The following RAB7A variants were observed in gnomAD, a reference collection of about 807,000 sequenced individuals.
RAB7A encodes the protein ras-related protein Rab-7a.
A neutral mutation model predicts 24.5 loss-of-function variants in RAB7A; 2 were observed. That is an observed-to-expected ratio of 0.08 (90% CI 0.03 to 0.26). The LOEUF (loss-of-function observed/expected upper bound fraction) is 0.26, where lower values mean the gene tolerates loss of function less well. Ranked by LOEUF, RAB7A falls within the 10% of genes least tolerant of loss-of-function variation. RAB7A has a pLI of 1.00. For missense variants in RAB7A, 118 were observed against 255.7 expected (o/e 0.46, Z 3.67); for synonymous variants, 100 against 95.9 (o/e 1.04, Z -0.25).
At position 128,737,334 on chromosome 3, in the gene RAB7A, C is replaced by A. The variant is rs529431666; in HGVS notation, c.-9+10975C>A. 1.4e-5 allele frequency among the ~76,000 whole-genome samples: 2 copies of A among 138,182 alleles called. 1 individual carries two copies. Among genetic ancestry groups the A allele is most frequent in the Non-Finnish European group, 3.1e-5 (2 of 65,434 alleles). 90.7% of individuals were successfully genotyped at this position (138,182 alleles called of 152,430 possible). ...GATTACAGGCGTGAGCCACCGCTCC[C>A]GGCCTTTTTTTTTTTTTTTTTTTTG... On this transcript the variant is annotated intron_variant, in intron 1 of 5. Coordinates refer to ENST00000265062, the MANE Select transcript of RAB7A (RefSeq NM_004637.6).
chr3:128,796,363 G>A (rs1933574952), intron 2 of RAB7A, among the ~76,000 whole-genome samples: 2 of 152,056 alleles, frequency 1.3e-5, no homozygotes, highest in Admixed American at 1.3e-4. Flanking sequence ...GAGGCGAGAG[G>A]ATGGCTTGAG....
chr3:128,767,545 T>C (rs1284335422), intron 1 of RAB7A, among the ~76,000 whole-genome samples: 1 of 152,076 alleles, frequency 6.6e-6, no homozygotes, highest in Non-Finnish European at 1.5e-5. Flanking sequence ...TAGGGAAAGA[T>C]TTGTATGGCT....
At chr3:128,789,623 C>CA (rs1279423208) in intron 1 of RAB7A, among the ~76,000 whole-genome samples, 4 of 151,858 alleles carry the variant, frequency 2.6e-5, no homozygotes, top group African/African-American at 9.7e-5. Context: ...ATGAGTCACC[C>CA]ATGCCTGGCC....
At chr3:128,729,698 G>A (rs1161370494) in intron 1 of RAB7A, among the ~76,000 whole-genome samples, 1 of 152,004 alleles carries the variant, frequency 6.6e-6, no homozygotes, top group East Asian at 1.9e-4. Flanking sequence ...GTTGTCTTAT[G>A]CACATTCCTC....
chr3:128,809,721 C>G (rs1286418149), intron 5 of RAB7A, among the ~76,000 whole-genome samples: 2 of 151,888 alleles, frequency 1.3e-5, no homozygotes, highest in African/African-American at 2.4e-5. Flanking sequence ...TGCCTTTCCT[C>G]TCAAGAGAGC....
intron 2 of RAB7A, among the ~76,000 whole-genome samples, chr3:128,795,751 C>CCTTTTTTTTTTTTTT (rs1933554776): frequency 2.3e-5 from 1 of 43,032 alleles, no homozygotes; most frequent in African/African-American, 6.3e-5. Context: ...AGCAGATGTG[C>CCTTTTTTTTTTTTTT]TTTTTTTTTT....
intron 5 of RAB7A, 23 bp from the exon 6 acceptor site, chr3:128,813,304 C>G (rs769290290): frequency 2.5e-6 from 4 of 1,605,604 alleles, no homozygotes; most frequent in East Asian, 2.2e-5. Context: ...GAGTAACCAA[C>G]CTTTCTCTGT....
intron 1 of RAB7A, chr3:128,764,468 A>C: frequency 1.3e-6 from 1 of 768,264 alleles, no homozygotes; most frequent in Non-Finnish European, 2.4e-6. Context: ...CCTGAGGCTT[A>C]GTTTTCATTA....
At chr3:128,752,846 G>A (rs1487905394) in intron 1 of RAB7A, among the ~76,000 whole-genome samples, 1 of 150,446 alleles carries the variant, frequency 6.6e-6, no homozygotes, top group African/African-American at 2.5e-5. Context: ...TTATTTCCAG[G>A]TTCAAAATCT....
Position 128,811,020 on chromosome 3 carries a change from C to T in RAB7A, c.529-2307C>T, listed in dbSNP as rs184861502. Among the ~76,000 whole-genome samples, 175 of 152,044 alleles carry T rather than the reference C, an allele frequency of 1.2e-3. 1 individual carries two copies. Among genetic ancestry groups the T allele is most frequent in the African/African-American group, 3.8e-3 (159 of 41,462 alleles). On this transcript the variant is annotated intron_variant, in intron 5 of 5. Coordinates refer to ENST00000265062, the MANE Select transcript of RAB7A (RefSeq NM_004637.6). ...AGTGAGCCGAGATTGCACCATTGCA[C>T]TCCAGCCTGGGCAACAAGAGCGAAA...
At chr3:128,760,908 C>T (rs1051095399) in intron 1 of RAB7A, among the ~76,000 whole-genome samples, 1 of 152,182 alleles carries the variant, frequency 6.6e-6, no homozygotes, top group African/African-American at 2.4e-5. Flanking sequence ...CCTTAAAAAG[C>T]TTCATCTCCC....
chr3:128,758,272 T>TGG (rs1265012684), intron 1 of RAB7A, among the ~76,000 whole-genome samples: 18 of 134,140 alleles, frequency 1.3e-4, no homozygotes, highest in African/African-American at 4.8e-4. Flanking sequence ...GTTTGTTTTT[T>TGG]TGTTTTTTTT....
In RAB7A at chr3:128,746,882, T is replaced by C. The variant is rs796600793; in HGVS notation, c.-9+20523T>C. Among the ~76,000 whole-genome samples, 17 of 151,842 alleles carry C rather than the reference T, an allele frequency of 1.1e-4. 2 individuals are homozygous for C. Among genetic ancestry groups the C allele is most frequent in the African/African-American group, 4.1e-4 (17 of 41,124 alleles). On this transcript the variant is annotated intron_variant, in intron 1 of 5. Coordinates refer to ENST00000265062, the MANE Select transcript of RAB7A (RefSeq NM_004637.6). ...TTGGTGATATCACGTGGTAATTGTT[T>C]TTCTGAGGTGATAGATATATGTTAG...
intron 3 of RAB7A, among the ~76,000 whole-genome samples, chr3:128,799,716 C>G (rs984771139): frequency 6.6e-6 from 1 of 152,140 alleles, no homozygotes; most frequent in Non-Finnish European, 1.5e-5. Flanking sequence ...ACTGGAAAAC[C>G]TTGGCCCAAG....
At chr3:128,774,905 C>T (rs1036088042) in intron 1 of RAB7A, among the ~76,000 whole-genome samples, 16 of 152,146 alleles carry the variant, frequency 1.1e-4, no homozygotes, top group African/African-American at 3.1e-4. Context: ...CTCAGCCTCC[C>T]GTATGGCTGG....
At chr3:128,791,149 T>G (rs1933444658) in intron 1 of RAB7A, among the ~76,000 whole-genome samples, 1 of 146,864 alleles carries the variant, frequency 6.8e-6, no homozygotes, top group Non-Finnish European at 1.5e-5. Context: ...GTTTTGTTTG[T>G]TTTTTTTTTT....
chr3:128,740,081 CAA>C (rs1160763027), intron 1 of RAB7A, among the ~76,000 whole-genome samples: 1 of 150,842 alleles, frequency 6.6e-6, no homozygotes, highest in Non-Finnish European at 1.5e-5. Context: ...AAAACAAAAA[CAA>C]AGAAAAGGGC....
intron 1 of RAB7A, among the ~76,000 whole-genome samples, chr3:128,763,218 T>A (rs1304254381): frequency 1.3e-4 from 15 of 117,936 alleles, no homozygotes; most frequent in East Asian, 1.0e-3. Context: ...ATTTTTTTTT[T>A]TTTTTTTTTT....
At chr3:128,769,197 A>T (rs1458692342) in intron 1 of RAB7A, among the ~76,000 whole-genome samples, 1 of 151,432 alleles carries the variant, frequency 6.6e-6, no homozygotes, top group Admixed American at 6.6e-5. Context: ...CCCGGCCCAG[A>T]ACATTTTCAT....
Sources: allele counts gnomAD v4.1 joint callset (sites outside exome capture counted in the v4.1 genomes callset), GRCh38; gene constraint gnomAD v4.1.1; transcripts MANE v1.5; gene names NCBI Gene and HGNC (gene_info 2026-07-23, HGNC 2026-07-21).